The following CNTNAP2 variants were observed in gnomAD, a reference collection of about 807,000 sequenced individuals.
CNTNAP2 encodes the protein contactin associated protein 2.
In CNTNAP2, 98 loss-of-function variants were observed where a neutral mutation model predicts 155.2. That is an observed-to-expected ratio of 0.63 (90% CI 0.54 to 0.75). The LOEUF (loss-of-function observed/expected upper bound fraction) is 0.75, where lower values mean the gene tolerates loss of function less well. CNTNAP2 is among the 30% of genes least tolerant of loss of function. CNTNAP2 has a pLI of 0.00. For synonymous variants in CNTNAP2, 651 were observed against 631.2 expected (o/e 1.03, Z -0.47); for missense variants, 1,727 against 1,688.1 (o/e 1.02, Z -0.40).
chr7:147,513,192 T>A (rs1017752705), intron 11 of CNTNAP2, among the ~76,000 whole-genome samples: 3 of 152,196 alleles, frequency 2.0e-5, no homozygotes, highest in Non-Finnish European at 4.4e-5. Flanking sequence ...TAAAAATATT[T>A]GGTAAAGAGA....
In CNTNAP2 at chr7:147,043,997, G is replaced by C. The variant is rs1427695095; in HGVS notation, c.493G>C (p.Asp165His). Reference protein sequence around the residue: ...IARYVRIVPLDWNGEGRIGLR... With the variant: ...IARYVRIVPLHWNGEGRIGLR... ...CCGCTATGTGCGCATAGTGCCTCTG[G>C]ATTGGAATGGAGAAGGTCGCATTGG... is the stretch of plus-strand genomic sequence containing the variant. The change falls in exon 4 of 24, where the codon GAT (aspartate) becomes CAT (histidine). Residue 165 changes from aspartate (D) to histidine (H), a missense_variant. Physicochemically the swap from Asp to His is moderately conservative, Grantham distance 81 (BLOSUM62 -1). Coordinates refer to ENST00000361727, the MANE Select transcript of CNTNAP2 (RefSeq NM_014141.6). 6.2e-7 allele frequency: 1 copy of C among 1,614,206 alleles called. No individual in the cohort carries two copies. The highest frequency in any genetic ancestry group is 8.5e-7 in the Non-Finnish European group (1 of 1,180,030).
intron 18 of CNTNAP2, among the ~76,000 whole-genome samples, chr7:148,182,378 C>T (rs994375170): frequency 1.8e-5 from 1 of 54,454 alleles, no homozygotes; most frequent in African/African-American, 4.0e-5. Flanking sequence ...GTCCATTCAC[C>T]AACGTCCACG....
chr7:147,075,627 CTTT>C (rs1412839865), intron 4 of CNTNAP2, among the ~76,000 whole-genome samples: 1 of 151,834 alleles, frequency 6.6e-6, no homozygotes, highest in Non-Finnish European at 1.5e-5. Context: ...TAAATTTCTT[CTTT>C]TTTCTTTTTT....
At chr7:148,102,558 T>C (rs1317600636) in intron 15 of CNTNAP2, among the ~76,000 whole-genome samples, 1 of 152,224 alleles carries the variant, frequency 6.6e-6, no homozygotes, top group African/African-American at 2.4e-5. Flanking sequence ...GCGGGAAATG[T>C]AAGTGAAATC....
intron 10 of CNTNAP2, among the ~76,000 whole-genome samples, chr7:147,420,697 C>T (rs1315585356): frequency 6.6e-6 from 1 of 152,074 alleles, no homozygotes; most frequent in South Asian, 2.1e-4. Context: ...GAAATACTAA[C>T]GTTGCATTCA....
intron 8 of CNTNAP2, among the ~76,000 whole-genome samples, chr7:147,294,199 T>A: frequency 6.6e-6 from 1 of 152,206 alleles, no homozygotes; most frequent in East Asian, 1.9e-4. Flanking sequence ...CTGGATTATT[T>A]TATATTTTTA....
At chr7:146,396,442 A>C (rs1470768433) in intron 1 of CNTNAP2, among the ~76,000 whole-genome samples, 1 of 152,052 alleles carries the variant, frequency 6.6e-6, no homozygotes, top group Non-Finnish European at 1.5e-5. Context: ...TACTGTTACT[A>C]AATTATTAAT....
intron 5 of CNTNAP2, among the ~76,000 whole-genome samples, chr7:147,113,440 T>C (rs1800922836): frequency 6.6e-6 from 1 of 151,568 alleles, no homozygotes; most frequent in Non-Finnish European, 1.5e-5. Flanking sequence ...CTGAGTGATT[T>C]ATTAAAAAAA....
chr7:146,359,400 A>G (rs535509814), intron 1 of CNTNAP2, among the ~76,000 whole-genome samples: 1 of 152,334 alleles, frequency 6.6e-6, no homozygotes, highest in South Asian at 2.1e-4. Context: ...CACGATCTCT[A>G]AAGTCTATCT....
intron 12 of CNTNAP2, among the ~76,000 whole-genome samples, chr7:147,617,849 T>C (rs1165103958): frequency 6.6e-6 from 1 of 152,206 alleles, no homozygotes. Flanking sequence ...TCAAAAATTT[T>C]CACATAAGAA....
intron 1 of CNTNAP2, among the ~76,000 whole-genome samples, chr7:146,486,808 G>A (rs967927974): frequency 2.0e-5 from 3 of 152,252 alleles, no homozygotes; most frequent in South Asian, 2.1e-4. Context: ...TGAAAGAATC[G>A]AAAGGTTCCT....
chr7:146,770,870 C>T (rs192445620), intron 1 of CNTNAP2, among the ~76,000 whole-genome samples: 26 of 152,162 alleles, frequency 1.7e-4, no homozygotes, highest in East Asian at 9.6e-4. Flanking sequence ...TTACATTCAA[C>T]GCAACCATAT....
At chr7:147,583,349 A>G (rs1243385898) in intron 12 of CNTNAP2, among the ~76,000 whole-genome samples, 1 of 151,850 alleles carries the variant, frequency 6.6e-6, no homozygotes, top group Non-Finnish European at 1.5e-5. Context: ...TTATTTTGCT[A>G]CTTCAGTCTG....
At chr7:147,426,511 C>G (rs985333917) in intron 10 of CNTNAP2, among the ~76,000 whole-genome samples, 1 of 152,106 alleles carries the variant, frequency 6.6e-6, no homozygotes, top group East Asian at 1.9e-4. Context: ...GCAAAGATTT[C>G]TTTCAATTTC....
chr7:148,307,474 A>C (rs1286901615), intron 21 of CNTNAP2, among the ~76,000 whole-genome samples: 5 of 152,130 alleles, frequency 3.3e-5, no homozygotes, highest in Non-Finnish European at 7.4e-5. Flanking sequence ...GCTGCCACTT[A>C]AGATGGTTCT....
intron 4 of CNTNAP2, among the ~76,000 whole-genome samples, chr7:147,066,974 C>T (rs1351374375): frequency 2.6e-5 from 4 of 152,072 alleles, no homozygotes; most frequent in Admixed American, 2.0e-4. Context: ...GCGAAGAGAA[C>T]GAGCTAGCTG....
intron 1 of CNTNAP2, among the ~76,000 whole-genome samples, chr7:146,267,222 T>A (rs1430489350): frequency 2.0e-5 from 3 of 152,110 alleles, no homozygotes. Flanking sequence ...AAAATATCTA[T>A]TTGTCATAGT....
intron 1 of CNTNAP2, among the ~76,000 whole-genome samples, chr7:146,688,939 GAT>G (rs1443236279): frequency 3.9e-5 from 6 of 152,042 alleles, no homozygotes; most frequent in Admixed American, 1.3e-4. Context: ...GTAAAACTAA[GAT>G]ATTTAGCTAT....
chr7:147,122,373 G>T (rs763281923), intron 6 of CNTNAP2: 1 of 152,152 alleles, frequency 6.6e-6, no homozygotes, highest in Admixed American at 6.5e-5. Flanking sequence ...GTCCTGAGCC[G>T]TTAGGTCCAA....
Sources: allele counts gnomAD v4.1 joint callset (sites outside exome capture counted in the v4.1 genomes callset), GRCh38; gene constraint gnomAD v4.1.1; transcripts MANE v1.5; gene names NCBI Gene and HGNC (gene_info 2026-07-23, HGNC 2026-07-21).